Variants in CIT observed in about 807,000 individuals in gnomAD.
CIT encodes the protein citron Rho-interacting kinase.
In CIT, 79 loss-of-function variants were observed where a neutral mutation model predicts 272.7. That is an observed-to-expected ratio of 0.29 (90% CI 0.24 to 0.35). The LOEUF (loss-of-function observed/expected upper bound fraction) is 0.35, where lower values mean the gene tolerates loss of function less well. CIT is among the 10% of genes least tolerant of loss of function. CIT has a pLI of 1.00. For missense variants in CIT, 1,909 were observed against 2,618.3 expected, an observed-to-expected ratio of 0.73 and a Z score of 5.91; for synonymous variants, 948 against 995.6, an observed-to-expected ratio of 0.95 and a Z score of 0.90.
At chr12:119,742,705 A>G (rs1353829622) in intron 23 of CIT, 1 of 365,636 alleles carries the variant, frequency 2.7e-6, no homozygotes, top group Admixed American at 4.5e-5. Flanking sequence ...CTGTACAAAT[A>G]TTTTTAACAT....
chr12:119,841,213 C>T (rs896234533), intron 5 of CIT, among the ~76,000 whole-genome samples: 3 of 147,502 alleles, frequency 2.0e-5, no homozygotes, highest in South Asian at 2.1e-4. Flanking sequence ...CTTGCTCTGT[C>T]GCCCAGGCTG....
chr12:119,824,108 GTATATATATATATATATA>G (rs59234933), intron 8 of CIT, among the ~76,000 whole-genome samples: 55 of 125,510 alleles, frequency 4.4e-4, no homozygotes, highest in African/African-American at 1.4e-3. Flanking sequence ...TAGTTTTACT[GTATATATATATATATATA>G]TATATATATA....
rs1487591437 is a variant in CIT at position 119,752,176 on chromosome 12, C to T, written c.2778G>A (p.Gln926=). 2 of 1,612,450 alleles carry T rather than the reference C, an allele frequency of 1.2e-6. No homozygotes were observed. Among genetic ancestry groups the T allele is most frequent in the Admixed American group, 1.7e-5 (1 of 60,024 alleles). ...GGGCTGTCAACTGTGACTCGCGCTC[C>T]TGCAGGGAGAGCTGTAGCTCTGTGA... ...RQLTELQLSL[Q]ERESQLTALQ... is the part of the protein sequence containing the mutation. The change falls in exon 23 of 48, where the codon CAG becomes CAA. Residue 926 remains glutamine, a synonymous_variant. Transcript: ENST00000392521.
In CIT at chr12:119,718,941, G is replaced by C; in HGVS notation, c.3841-80C>G. 2 of 1,432,614 alleles carry C rather than the reference G, an allele frequency of 1.4e-6. No homozygotes were observed. Among genetic ancestry groups the C allele is most frequent in the Non-Finnish European group, 1.9e-6 (2 of 1,031,100 alleles). 88.7% of individuals were successfully genotyped at this position (1,432,614 alleles called of 1,614,324 possible). ...AGCTAAAGGAAATCTGACTCGGGAGGAGCAAACCACAAAAGCCAGGAGCAT... is the reference window on the plus strand; with the variant it reads ...AGCTAAAGGAAATCTGACTCGGGAGCAGCAAACCACAAAAGCCAGGAGCAT... On this transcript the variant is annotated intron_variant, in intron 30 of 47. Transcript: ENST00000392521. This position sits in a 1 kb window ranked among gnomAD's most constrained non-coding sequence, Gnocchi z 4.8.
chr12:119,782,302 A>C, intron 13 of CIT: 1 of 437,256 alleles, frequency 2.3e-6, no homozygotes, highest in Admixed American at 3.7e-5. Context: ...ATGGGGTATC[A>C]GCTTCAAAAG....
chr12:119,875,175 C>T (rs971275731), intron 2 of CIT, among the ~76,000 whole-genome samples: 3 of 150,760 alleles, frequency 2.0e-5, no homozygotes, highest in Non-Finnish European at 4.4e-5. Context: ...TGGTGGCACA[C>T]ACCTGTGGTC....
chr12:119,717,253 T>C (rs1469468943), intron 32 of CIT, among the ~76,000 whole-genome samples: 2 of 152,104 alleles, frequency 1.3e-5, no homozygotes, highest in Admixed American at 6.5e-5. Context: ...GGTTTCTCCA[T>C]GTTGGTCAGG....
chr12:119,758,727 T>G (rs1961355485), intron 20 of CIT, 27 bp from the exon 21 acceptor site: 1 of 1,449,314 alleles, frequency 6.9e-7, no homozygotes, highest in Admixed American at 1.7e-5. Context: ...CTATGAAACT[T>G]CACACACCAG....
At chr12:119,742,276 G>T in intron 24 of CIT, 135 bp downstream of exon 24, 4 of 584,612 alleles carry the variant, frequency 6.8e-6, no homozygotes, top group Non-Finnish European at 8.5e-6. Flanking sequence ...TCCAAATAAG[G>T]TTGATTGCAT....
chr12:119,744,945 T>C (rs1959191046), intron 23 of CIT, among the ~76,000 whole-genome samples: 1 of 151,800 alleles, frequency 6.6e-6, no homozygotes, highest in Admixed American at 6.6e-5. Context: ...AAAGGCATTT[T>C]CAAAAAATGC....
At position 119,728,712 on chromosome 12, in the gene CIT, A is replaced by G. The variant is rs1028133053; in HGVS notation, c.3487-106T>C. 5.1e-6 allele frequency: 4 copies of G among 791,692 alleles called. No individual in the cohort carries two copies. In the East Asian group the frequency reaches 7.5e-5, roughly 15 times the overall value. 49.0% of individuals were successfully genotyped at this position (791,692 alleles called of 1,614,324 possible). A position where few individuals can be genotyped will look rare whatever the true frequency, so the allele number is the denominator to read the frequency against. ...TCACGGAGAAAGAATATTGAGTTCT[A>G]AAGGTCAGAACGTAAAGGTTGCTTT... On this transcript the variant is annotated intron_variant, in intron 27 of 47. Coordinates refer to ENST00000392521, the MANE Select transcript of CIT (RefSeq NM_001206999.2). The surrounding 1 kb of genome is among the most constrained non-coding windows in gnomAD (Gnocchi z 4.3).
chr12:119,803,260 AGTT>A lies in CIT; in HGVS notation c.1238_1240del (p.Glu413_Leu414delinsVal). ...GCTGTACGAAAACCCCACAAACGGC[AGTT>A]CTTCACCCGAGAAGCCTGAGGGGCT... On this transcript the variant is annotated inframe_deletion, in exon 10 of 48. Coordinates refer to ENST00000392521, the MANE Select transcript of CIT (RefSeq NM_001206999.2). 1 of 1,605,798 alleles carries A rather than the reference AGTT, an allele frequency of 6.2e-7. No homozygotes were observed. The highest frequency in any genetic ancestry group is 8.5e-7 in the Non-Finnish European group (1 of 1,176,996).
At chr12:119,702,089 G>T in intron 41 of CIT, 131 bp from the exon 42 acceptor site, 1 of 661,954 alleles carries the variant, frequency 1.5e-6, no homozygotes, top group Non-Finnish European at 2.6e-6. Flanking sequence ...TGTTCACGTT[G>T]TCATAGAGAG....
At position 119,767,095 on chromosome 12, in the gene CIT, T is replaced by C. The variant is rs750389258; in HGVS notation, c.2296A>G (p.Lys766Glu). ...TCAGAAAATGTCTTTACTTTAATCT[T>C]TTCCTCATAGTGCTGCTCTTTCTGT... ...LKQKEQHYEE[K>E]IKVLDNQIKK... The change falls in exon 19 of 48, where the codon AAG (lysine) becomes GAG (glutamate). Residue 766 changes from lysine to glutamate, a missense_variant. Physicochemically the swap from Lys to Glu is moderately conservative, Grantham distance 56 (BLOSUM62 1). Transcript: ENST00000392521. The C allele has an allele frequency of 6.2e-7, 1 of 1,609,120 alleles. No individual in the cohort carries two copies. The highest frequency in any genetic ancestry group is 8.5e-7 in the Non-Finnish European group (1 of 1,177,474).
chr12:119,705,940 A>G (rs1956856028), intron 40 of CIT, among the ~76,000 whole-genome samples: 1 of 150,850 alleles, frequency 6.6e-6, no homozygotes, highest in African/African-American at 2.4e-5. Flanking sequence ...AAATACAAAA[A>G]TTGGCCTGCT....
At position 119,761,075 on chromosome 12, in the gene CIT, A is replaced by G. The variant is rs772004747; in HGVS notation, c.2305-20T>C. 2.6e-6 allele frequency: 4 copies of G among 1,560,748 alleles called. No individual in the cohort carries two copies. Among genetic ancestry groups the G allele is most frequent in the Non-Finnish European group, 3.5e-6 (4 of 1,131,374 alleles). ...CAACACCTACAAAAACAAAAGCAGC[A>G]GCAAATGTTCTCAGGAGCCAAGCTG... On this transcript the variant is annotated intron_variant, in intron 19 of 47. Coordinates refer to ENST00000392521, the MANE Select transcript of CIT (RefSeq NM_001206999.2).
At chr12:119,744,031 G>A (rs568463791) in intron 23 of CIT, among the ~76,000 whole-genome samples, 19 of 152,270 alleles carry the variant, frequency 1.2e-4, no homozygotes, top group South Asian at 2.1e-4. Flanking sequence ...TTAAGATCAC[G>A]GTAGATGTTA....
rs373771741 is a variant in CIT at position 119,785,082 on chromosome 12, C to T, written c.1296-17G>A. ...ACAACAGACCTAGGTAGAGAAAAAC[C>T]AACGTCAAGGGGGCCTGCAGGTGGG... On this transcript the variant is annotated splice_polypyrimidine_tract_variant and intron_variant, in intron 10 of 47. Transcript: ENST00000392521. 8.4e-5 allele frequency: 136 copies of T among 1,612,984 alleles called. No homozygotes were observed. The highest frequency in any genetic ancestry group is 2.8e-4 in the Admixed American group (17 of 59,746).
chr12:119,693,310 C>T (rs1956059497), intron 46 of CIT, among the ~76,000 whole-genome samples: 1 of 152,194 alleles, frequency 6.6e-6, no homozygotes, highest in South Asian at 2.1e-4. Context: ...GAATCAGACC[C>T]AGAAAGCCAA....
Sources: allele counts gnomAD v4.1 joint callset (sites outside exome capture counted in the v4.1 genomes callset), GRCh38; gene constraint gnomAD v4.1.1; non-coding constraint Gnocchi (gnomAD v3.1); transcripts MANE v1.5; gene names NCBI Gene and HGNC (gene_info 2026-07-23, HGNC 2026-07-21).